MAP2K5: variants seen among roughly 807,000 people sequenced by gnomAD.
MAP2K5 encodes dual specificity mitogen-activated protein kinase kinase 5.
In MAP2K5, 49 loss-of-function variants were observed where a neutral mutation model predicts 83.1. That is an observed-to-expected ratio of 0.59 (90% CI 0.47 to 0.75). The LOEUF (loss-of-function observed/expected upper bound fraction) is 0.75. Among genes scored for constraint, MAP2K5 ranks in the 30% least tolerant of loss-of-function variants. The pLI is 0.00. For missense variants in MAP2K5, 457 were observed against 557.5 expected (o/e 0.82, Z 1.82); for synonymous variants, 202 against 191.8 (o/e 1.05, Z -0.44).
chr15:67,583,352 G>A (rs1228111488), intron 4 of MAP2K5, among the ~76,000 whole-genome samples: 2 of 152,092 alleles, frequency 1.3e-5, no homozygotes, highest in Non-Finnish European at 2.9e-5. Flanking sequence ...AATTATATGA[G>A]ATGTCATTGT....
intron 6 of MAP2K5, among the ~76,000 whole-genome samples, chr15:67,589,808 TGTG>T (rs2141008742): frequency 6.6e-6 from 1 of 151,932 alleles, no homozygotes; most frequent in African/African-American, 2.4e-5. Flanking sequence ...TGTGTGTGTG[TGTG>T]TGTGTATAAG....
chr15:67,792,832 G>A (rs996443995), intron 21 of MAP2K5, among the ~76,000 whole-genome samples: 3 of 152,218 alleles, frequency 2.0e-5, no homozygotes, highest in African/African-American at 7.2e-5. Flanking sequence ...GGCCCCGTAT[G>A]TCTTTAATGA....
chr15:67,784,248 C>T (rs1054033880), intron 21 of MAP2K5, among the ~76,000 whole-genome samples: 1 of 152,202 alleles, frequency 6.6e-6, no homozygotes, highest in Non-Finnish European at 1.5e-5. Context: ...AGGAAAAACA[C>T]AGGACTGTCC....
At chr15:67,800,056 G>A (rs1018267274) in intron 21 of MAP2K5, among the ~76,000 whole-genome samples, 4 of 152,108 alleles carry the variant, frequency 2.6e-5, no homozygotes, top group Non-Finnish European at 4.4e-5. Context: ...CGCCCAGCCT[G>A]GAAGGAAGAG....
intron 21 of MAP2K5, among the ~76,000 whole-genome samples, chr15:67,796,368 T>C (rs1458987035): frequency 6.6e-6 from 1 of 152,228 alleles, no homozygotes; most frequent in Non-Finnish European, 1.5e-5. Context: ...ACAGGAAGCA[T>C]GGCTCAGGGC....
rs3743353 is a variant in MAP2K5, at chr15:67,543,032, T to C, written c.-304T>C. The C allele has an allele frequency of 0.12, 48,858 of 413,610 alleles. 3,864 individuals carry two copies. The highest frequency in any genetic ancestry group is 0.26 in the African/African-American group (12,894 of 49,744). The allele number at this position is 413,610 out of a possible 1,614,324, so 25.6% of individuals were successfully genotyped here. A position where few individuals can be genotyped will look rare whatever the true frequency, so the allele number is the denominator to read the frequency against. On this transcript the variant is annotated 5_prime_UTR_variant, in exon 1 of 22. Transcript: ENST00000178640. This position sits in a 1 kb window ranked among gnomAD's most constrained non-coding sequence, Gnocchi z 4.3. The stretch of plus-strand genomic sequence containing the variant: ...TCATACCCACACGGCGGCAGAGACC[T>C]TCACCATAGCGTTCGCTCAACTCCA...
At chr15:67,622,144 CAAA>C (rs11289969) in intron 8 of MAP2K5, among the ~76,000 whole-genome samples, 7 of 90,664 alleles carry the variant, frequency 7.7e-5, no homozygotes, top group Admixed American at 1.2e-4. Flanking sequence ...GGCTCCATCT[CAAA>C]AAAAAAAAAA....
intron 6 of MAP2K5, 132 bp from the exon 7 acceptor site, chr15:67,592,794 C>A (rs1770443341): frequency 6.4e-6 from 4 of 624,798 alleles, no homozygotes; most frequent in Admixed American, 3.4e-5. Flanking sequence ...AAAAAATTTA[C>A]ATTGGGAGAA....
At chr15:67,731,823 T>C (rs1050763887) in intron 17 of MAP2K5, among the ~76,000 whole-genome samples, 1 of 152,220 alleles carries the variant, frequency 6.6e-6, no homozygotes, top group African/African-American at 2.4e-5. Flanking sequence ...CCTGTTCTCC[T>C]TTCCACTCTG....
chr15:67,578,227 A>G (rs971508670), intron 3 of MAP2K5, among the ~76,000 whole-genome samples: 1 of 152,192 alleles, frequency 6.6e-6, no homozygotes, highest in Non-Finnish European at 1.5e-5. Flanking sequence ...TGCCTTGCTC[A>G]TCTCACTGAG....
intron 13 of MAP2K5, among the ~76,000 whole-genome samples, chr15:67,673,089 G>A (rs982679058): frequency 6.6e-6 from 1 of 152,176 alleles, no homozygotes; most frequent in Non-Finnish European, 1.5e-5. Flanking sequence ...TTGAAGTCAG[G>A]TAGCATGATT....
intron 6 of MAP2K5, among the ~76,000 whole-genome samples, chr15:67,592,625 C>CTAAA (rs942098702): frequency 6.6e-6 from 1 of 152,158 alleles, no homozygotes; most frequent in African/African-American, 2.4e-5. Flanking sequence ...GAAAGGCTAT[C>CTAAA]TAAAGGCAGT....
At chr15:67,672,348 C>A (rs1281794401) in intron 13 of MAP2K5, among the ~76,000 whole-genome samples, 2 of 150,962 alleles carry the variant, frequency 1.3e-5, no homozygotes, top group Non-Finnish European at 3.0e-5. Flanking sequence ...TTTTAATGAT[C>A]GCCATTCTAA....
intron 2 of MAP2K5, among the ~76,000 whole-genome samples, chr15:67,551,389 G>A: frequency 6.6e-6 from 1 of 151,072 alleles, no homozygotes; most frequent in Non-Finnish European, 1.5e-5. Context: ...AGACTGGAAT[G>A]CTGTGGCATG....
intron 11 of MAP2K5, among the ~76,000 whole-genome samples, chr15:67,658,247 T>C (rs1375206999): frequency 1.3e-5 from 2 of 152,150 alleles, no homozygotes; most frequent in South Asian, 2.1e-4. Flanking sequence ...TATTGATCTT[T>C]ATAATTTTGT....
At chr15:67,591,954 A>T (rs995355127) in intron 6 of MAP2K5, among the ~76,000 whole-genome samples, 50 of 151,894 alleles carry the variant, frequency 3.3e-4, no homozygotes, top group Non-Finnish European at 5.4e-4. Context: ...CTTACTAAAA[A>T]TACAAAATTA....
chr15:67,608,758 T>G (rs2085839291), intron 8 of MAP2K5, among the ~76,000 whole-genome samples: 2 of 152,186 alleles, frequency 1.3e-5, no homozygotes, highest in South Asian at 4.1e-4. Flanking sequence ...TTCTGAATAC[T>G]AGACACAAAG....
rs531658007 is a variant in MAP2K5, at chr15:67,684,963, A to G, written c.848-7516A>G. 1.1e-3 allele frequency among the ~76,000 whole-genome samples: 168 copies of G among 152,310 alleles called. 1 individual carries two copies. Among genetic ancestry groups the G allele is most frequent in the African/African-American group, 3.9e-3 (163 of 41,580 alleles). ...CAACCTTAATGATCTTTGAGACACT[A>G]TCAAGAAGTCTAAGATATATGTGTT... On this transcript the variant is annotated intron_variant, in intron 13 of 21. Transcript: ENST00000178640.
chr15:67,754,188 G>C (rs1299284078), intron 19 of MAP2K5, among the ~76,000 whole-genome samples: 3 of 152,202 alleles, frequency 2.0e-5, no homozygotes, highest in Non-Finnish European at 4.4e-5. Flanking sequence ...TTTCTTTTTA[G>C]GGTGGTAGAA....
Sources: allele counts gnomAD v4.1 joint callset (sites outside exome capture counted in the v4.1 genomes callset), GRCh38; gene constraint gnomAD v4.1.1; non-coding constraint Gnocchi (gnomAD v3.1); transcripts MANE v1.5; gene names NCBI Gene and HGNC (gene_info 2026-07-23, HGNC 2026-07-21).